Variants in RBFOX2 observed in about 807,000 individuals in gnomAD.
The protein encoded by RBFOX2 is RNA binding fox-1 homolog 2.
RBFOX2 carries 10 observed loss-of-function variants against 49.1 expected under a neutral mutation model. That is an observed-to-expected ratio of 0.20 (90% CI 0.13 to 0.35). The LOEUF (loss-of-function observed/expected upper bound fraction) is 0.35. RBFOX2 is among the 10% of genes least tolerant of loss of function. RBFOX2 has a pLI of 1.00. For synonymous variants in RBFOX2, 183 were observed against 187.4 expected (o/e 0.98, Z 0.19); for missense variants, 323 against 486.9 (o/e 0.66, Z 3.17).
chr22:35,882,658 T>C (rs543164161), intron 1 of RBFOX2, among the ~76,000 whole-genome samples: 1 of 152,310 alleles, frequency 6.6e-6, no homozygotes, highest in African/African-American at 2.4e-5. Context: ...AGATAGGACC[T>C]AGTATACAAC....
intron 1 of RBFOX2, among the ~76,000 whole-genome samples, chr22:36,015,142 A>T (rs1315855532): frequency 6.6e-6 from 1 of 152,220 alleles, no homozygotes; most frequent in African/African-American, 2.4e-5. Context: ...TATGACCAGC[A>T]TTACCTCAAA....
intron 1 of RBFOX2, among the ~76,000 whole-genome samples, chr22:35,846,014 T>C (rs2041132561): frequency 6.6e-6 from 1 of 151,144 alleles, no homozygotes; most frequent in South Asian, 2.1e-4. Flanking sequence ...TGCATGTTAA[T>C]ATAATTATAT....
At chr22:35,857,029 C>G (rs2042592979) in intron 1 of RBFOX2, among the ~76,000 whole-genome samples, 1 of 152,148 alleles carries the variant, frequency 6.6e-6, no homozygotes, top group Non-Finnish European at 1.5e-5. Flanking sequence ...GAGACTCCGT[C>G]TCCAAAAGGA....
At chr22:35,938,708 A>G (rs2053377198) in intron 1 of RBFOX2, 139 bp downstream of exon 2, 2 of 747,622 alleles carry the variant, frequency 2.7e-6, no homozygotes, top group East Asian at 2.5e-5. Context: ...TTACATCTGT[A>G]AAAGTAAATT....
intron 8 of RBFOX2, 161 bp from the exon 10 acceptor site, chr22:35,760,181 CT>C (rs1938281207): frequency 1.1e-6 from 1 of 876,896 alleles, no homozygotes; most frequent in African/African-American, 1.7e-5. Flanking sequence ...TACCCTGGGT[CT>C]CTCAGTGGGG....
chr22:35,997,959 A>C (rs2058258465), intron 1 of RBFOX2: 1 of 152,178 alleles, frequency 6.6e-6, no homozygotes, highest in South Asian at 2.1e-4. Context: ...CCGTGACCGA[A>C]CCACCACACT....
chr22:35,802,916 C>A (rs549271688), intron 2 of RBFOX2, among the ~76,000 whole-genome samples: 1 of 152,296 alleles, frequency 6.6e-6, no homozygotes, highest in South Asian at 2.1e-4. Flanking sequence ...TTTCCATGCA[C>A]TTCCCAATCA....
chr22:35,764,323 G>T (rs1284757978), intron 6 of RBFOX2, among the ~76,000 whole-genome samples: 3 of 152,064 alleles, frequency 2.0e-5, no homozygotes, highest in Admixed American at 2.0e-4. Context: ...GGTGGCTCAC[G>T]CCTGTAATCC....
At position 35,794,220 on chromosome 22, in the gene RBFOX2, TA is replaced by T. The variant is rs559609283; in HGVS notation, c.253-12475del. 1.1e-4 allele frequency among the ~76,000 whole-genome samples: 17 copies of T among 151,996 alleles called. No individual in the cohort carries two copies. The South Asian group carries it at 2.3e-3, about 20-fold the overall frequency. ...CTCTCTATGGATGTCTTTTTTTTTT[TA>T]AATCACCATTTGCATGGAGAAGCAG... On this transcript the variant is annotated intron_variant, in intron 2 of 11. Transcript: ENST00000405409.
At chr22:36,020,355 A>G (rs1228478768) in intron 1 of RBFOX2, among the ~76,000 whole-genome samples, 1 of 152,234 alleles carries the variant, frequency 6.6e-6, no homozygotes, top group Non-Finnish European at 1.5e-5. Flanking sequence ...CTTCATGACT[A>G]AAACACCAAA....
At chr22:35,811,459 T>C (rs750316589) in intron 1 of RBFOX2, among the ~76,000 whole-genome samples, 30 of 152,050 alleles carry the variant, frequency 2.0e-4, no homozygotes, top group Non-Finnish European at 3.8e-4. Flanking sequence ...AGCATGACCA[T>C]CTACAAGCCA....
At position 35,911,879 on chromosome 22, in the gene RBFOX2, T is replaced by G. The variant is rs185408219; in HGVS notation, c.-34+26968A>C. On this transcript the variant is annotated intron_variant, in intron 1 of 13. Coordinates refer to the RBFOX2 transcript ENST00000359369. ...AATTTTTAATGAACCCTGTTTTTAC[T>G]GCTCCAGCAAATCCTAACCCCTTTC... Among the ~76,000 whole-genome samples, 25 of 152,336 alleles carry G rather than the reference T, an allele frequency of 1.6e-4. No individual in the cohort carries two copies. The East Asian group carries it at 4.8e-3, about 29-fold the overall frequency.
chr22:35,932,708 C>T (rs1488392553), intron 1 of RBFOX2, among the ~76,000 whole-genome samples: 1 of 152,160 alleles, frequency 6.6e-6, no homozygotes, highest in African/African-American at 2.4e-5. Context: ...TGGCAAAACA[C>T]TGTCTCTACT....
chr22:35,897,244 A>G, intron 1 of RBFOX2: 1 of 1,419,332 alleles, frequency 7.0e-7, no homozygotes, highest in Non-Finnish European at 9.9e-7. Flanking sequence ...CACCAAAACC[A>G]AGAGTTGCTC....
chr22:35,832,208 C>A (rs1239030334), intron 1 of RBFOX2, among the ~76,000 whole-genome samples: 1 of 151,862 alleles, frequency 6.6e-6, no homozygotes, highest in Admixed American at 6.6e-5. Context: ...CCTGTCTCTA[C>A]CAAAAAGTAC....
At chr22:35,975,008 G>A (rs2057074417) in intron 1 of RBFOX2, among the ~76,000 whole-genome samples, 1 of 152,192 alleles carries the variant, frequency 6.6e-6, no homozygotes, top group Admixed American at 6.5e-5. Context: ...CTCAAACTGT[G>A]AGGAGCAACC....
At chr22:35,744,681 C>T (rs535273642) in intron 11 of RBFOX2, among the ~76,000 whole-genome samples, 7 of 152,326 alleles carry the variant, frequency 4.6e-5, no homozygotes, top group South Asian at 4.1e-4. Flanking sequence ...ACTTCTGACA[C>T]GATCCCTGCC....
intron 2 of RBFOX2, among the ~76,000 whole-genome samples, chr22:35,807,103 CCTTT>C (rs765753572): frequency 1.3e-5 from 2 of 152,118 alleles, no homozygotes; most frequent in Non-Finnish European, 2.9e-5. Flanking sequence ...CCCACCTGGC[CCTTT>C]CTTTTTTAAA....
intron 1 of RBFOX2, chr22:35,897,996 G>A: frequency 1.4e-6 from 1 of 737,574 alleles, no homozygotes; most frequent in East Asian, 2.5e-5. Context: ...CAAAGTTTTT[G>A]GTTTCCCAGT....
Sources: gnomAD v4.1 joint callset for allele counts (sites outside exome capture counted in the v4.1 genomes callset) on GRCh38, gnomAD v4.1.1 for gene constraint, MANE v1.5 for transcripts, NCBI Gene and HGNC (gene_info 2026-07-23, HGNC 2026-07-21) for gene names.